Variants in DCTN4 observed in about 807,000 individuals in gnomAD.
The protein encoded by DCTN4 is dynactin 4 (p62).
A neutral mutation model predicts 62.7 loss-of-function variants in DCTN4; 23 were observed. The observed-to-expected ratio is 0.37, with a 90% CI of 0.26 to 0.52. The LOEUF (loss-of-function observed/expected upper bound fraction) is 0.52. Among genes scored for constraint, DCTN4 ranks in the 20% least tolerant of loss-of-function variants. The pLI is 0.92. For synonymous variants in DCTN4, 199 were observed against 202.1 expected (o/e 0.98, Z 0.13); for missense variants, 514 against 580.4 (o/e 0.89, Z 1.18).
At chr5:150,717,920 A>T (rs1231230322) in intron 11 of DCTN4, among the ~76,000 whole-genome samples, 1 of 152,220 alleles carries the variant, frequency 6.6e-6, no homozygotes, top group Non-Finnish European at 1.5e-5. Context: ...ATGCTATGCC[A>T]AAAATCTGGA....
chr5:150,747,326 G>A (rs1416557519), intron 3 of DCTN4, among the ~76,000 whole-genome samples: 1 of 152,242 alleles, frequency 6.6e-6, no homozygotes, highest in African/African-American at 2.4e-5. Flanking sequence ...CATGCTCATG[G>A]GTAGGAAGAA....
intron 12 of DCTN4, among the ~76,000 whole-genome samples, chr5:150,715,001 C>A (rs1759702592): frequency 6.6e-6 from 1 of 152,118 alleles, no homozygotes; most frequent in Admixed American, 6.5e-5. Context: ...TTAAGTTACA[C>A]AAGTGAACAA....
chr5:150,727,737 C>T (rs1391417838), intron 8 of DCTN4, among the ~76,000 whole-genome samples: 2 of 128,402 alleles, frequency 1.6e-5, no homozygotes, highest in Non-Finnish European at 3.1e-5. Flanking sequence ...GATCGCGCCA[C>T]TGCACTCCAG....
chr5:150,720,035 G>A (rs1759903389), intron 9 of DCTN4, among the ~76,000 whole-genome samples: 1 of 152,150 alleles, frequency 6.6e-6, no homozygotes, highest in Non-Finnish European at 1.5e-5. Context: ...TCAAGATATT[G>A]CTTTGTAATG....
chr5:150,712,961 A>C (rs527619773), intron 12 of DCTN4, among the ~76,000 whole-genome samples: 1 of 152,220 alleles, frequency 6.6e-6, no homozygotes, highest in Admixed American at 6.5e-5. Flanking sequence ...TAATTACTCT[A>C]TCATGTAATC....
At chr5:150,743,708 T>C (rs1230135119) in intron 3 of DCTN4, among the ~76,000 whole-genome samples, 2 of 152,178 alleles carry the variant, frequency 1.3e-5, no homozygotes, top group African/African-American at 2.4e-5. Context: ...AGTGGACCTC[T>C]AGCAAACTCC....
chr5:150,725,204 T>C (rs1468400355), intron 8 of DCTN4, among the ~76,000 whole-genome samples: 2 of 151,670 alleles, frequency 1.3e-5, no homozygotes, highest in Non-Finnish European at 2.9e-5. Flanking sequence ...ACACATTCTT[T>C]TATAAATTTA....
At chr5:150,722,844 G>C in intron 9 of DCTN4, 63 bp downstream of exon 9, 1 of 1,272,422 alleles carries the variant, frequency 7.9e-7, no homozygotes, top group South Asian at 1.3e-5. Flanking sequence ...TCATACTGGG[G>C]AAGAAGAATA....
At chr5:150,737,047 T>C (rs1245964734) in intron 4 of DCTN4, among the ~76,000 whole-genome samples, 1 of 152,172 alleles carries the variant, frequency 6.6e-6, no homozygotes, top group Admixed American at 6.5e-5. Flanking sequence ...ATAAAAGGAC[T>C]AGTCCAACAG....
At chr5:150,721,511 T>A (rs537960149) in intron 9 of DCTN4, among the ~76,000 whole-genome samples, 20 of 152,336 alleles carry the variant, frequency 1.3e-4, no homozygotes, top group African/African-American at 4.6e-4. Flanking sequence ...CCACCAACAA[T>A]GTGTGCAAGT....
chr5:150,734,641 A>G (rs931039700), intron 4 of DCTN4, among the ~76,000 whole-genome samples: 2 of 152,202 alleles, frequency 1.3e-5, no homozygotes, highest in Non-Finnish European at 2.9e-5. Context: ...CCTGGGCACA[A>G]TCAAGATGGG....
intron 8 of DCTN4, among the ~76,000 whole-genome samples, chr5:150,723,707 A>G (rs958636872): frequency 2.0e-5 from 3 of 152,192 alleles, no homozygotes; most frequent in African/African-American, 7.2e-5. Flanking sequence ...ACAGAACAAA[A>G]AAGGTGTCCA....
chr5:150,756,291 C>A (rs182182115), intron 2 of DCTN4, 126 bp downstream of exon 2: 1 of 545,204 alleles, frequency 1.8e-6, no homozygotes, highest in South Asian at 3.3e-5. Context: ...TCCCTGCCTC[C>A]GCCTCCCAAA....
chr5:150,754,325 T>C (rs1237221698), intron 2 of DCTN4, among the ~76,000 whole-genome samples: 1 of 152,230 alleles, frequency 6.6e-6, no homozygotes, highest in South Asian at 2.1e-4. Flanking sequence ...GCATTATCTG[T>C]TATAGTCTGC....
chr5:150,733,324 AG>A, intron 5 of DCTN4, 43 bp downstream of exon 5: 1 of 1,373,106 alleles, frequency 7.3e-7, no homozygotes, highest in South Asian at 1.2e-5. Context: ...CACTGTTCTT[AG>A]GCCTTAGAGG....
At position 150,746,081 on chromosome 5, in the gene DCTN4, T is replaced by C. The variant is rs1247373943; in HGVS notation, c.386-3924A>G. Among the ~76,000 whole-genome samples, 38 of 150,104 alleles carry C rather than the reference T, an allele frequency of 2.5e-4. No individual in the cohort carries two copies. The East Asian group carries it at 6.8e-3, about 27-fold the overall frequency. On this transcript the variant is annotated intron_variant, in intron 3 of 12. Coordinates refer to ENST00000447998, the MANE Select transcript of DCTN4 (RefSeq NM_016221.4). ...AAGAAAAAAAGAGAGAAGAATCAAATAGATGCAATAAAAAATGATAAAGGG... is the reference window on the plus strand; with the variant it reads ...AAGAAAAAAAGAGAGAAGAATCAAACAGATGCAATAAAAAATGATAAAGGG...
chr5:150,722,205 C>T (rs1759979145), intron 9 of DCTN4, among the ~76,000 whole-genome samples: 1 of 152,258 alleles, frequency 6.6e-6, no homozygotes, highest in African/African-American at 2.4e-5. Context: ...TTCTGGGTTT[C>T]CTGTCTTGCT....
rs1752963627 is a variant in DCTN4, at chr5:150,758,966, C to A, written c.28G>T (p.Val10Phe). 5 of 1,614,110 alleles carry A rather than the reference C, an allele frequency of 3.1e-6. No individual in the cohort carries two copies. The highest frequency in any genetic ancestry group is 4.2e-6 in the Non-Finnish European group (5 of 1,179,986). The change falls in exon 1 of 13, where the codon GTT (valine) becomes TTT (phenylalanine). Residue 10 changes from valine to phenylalanine, a missense_variant. By Grantham distance (50) the Val-to-Phe change is conservative. Coordinates refer to ENST00000447998, the MANE Select transcript of DCTN4 (RefSeq NM_016221.4). Reference sequence around the variant, plus strand: ...TTTTCTCCCTGGACTAGATAGAGAACCCGGTCCGACTGCAGCAAGGACGCC... The same window carrying A: ...TTTTCTCCCTGGACTAGATAGAGAAACCGGTCCGACTGCAGCAAGGACGCC... Reference protein sequence around the residue: MASLLQSDRVLYLVQGEKKV... With the variant: MASLLQSDRFLYLVQGEKKV...
At chr5:150,758,126 C>T in intron 1 of DCTN4, 1 of 985,542 alleles carries the variant, frequency 1.0e-6, no homozygotes, top group Non-Finnish European at 1.2e-6. Context: ...CTTTTAATCC[C>T]TAAAGCTTAC....
Sources: allele counts gnomAD v4.1 joint callset (sites outside exome capture counted in the v4.1 genomes callset), GRCh38; gene constraint gnomAD v4.1.1; transcripts MANE v1.5; gene names NCBI Gene and HGNC (gene_info 2026-07-23, HGNC 2026-07-21).